MAPK10: variants seen among roughly 807,000 people sequenced by gnomAD.
MAPK10 encodes JNK3 alpha protein kinase.
A neutral mutation model predicts 59.3 loss-of-function variants in MAPK10; 25 were observed. The observed-to-expected ratio is 0.42, with a 90% CI of 0.31 to 0.59. The LOEUF is 0.59. Among genes scored for constraint, MAPK10 ranks in the 20% least tolerant of loss-of-function variants. The pLI is 0.15. For missense variants in MAPK10, 351 were observed against 568.9 expected, an observed-to-expected ratio of 0.62 and a Z score of 3.90; for synonymous variants, 190 against 200.5, an observed-to-expected ratio of 0.95 and a Z score of 0.44.
At chr4:86,281,998 C>A (rs2094827801) in intron 2 of MAPK10, among the ~76,000 whole-genome samples, 1 of 151,920 alleles carries the variant, frequency 6.6e-6, no homozygotes, top group Admixed American at 6.6e-5. Context: ...TTGTGTTTCA[C>A]AACTGGGAAA....
intron 4 of MAPK10, among the ~76,000 whole-genome samples, chr4:86,135,670 G>C (rs1376027699): frequency 6.6e-6 from 1 of 152,162 alleles, no homozygotes; most frequent in African/African-American, 2.4e-5. Context: ...ACCAGCAACG[G>C]AACAAAGCTG....
chr4:86,373,922 T>C (rs1421375232), intron 1 of MAPK10, among the ~76,000 whole-genome samples: 1 of 152,140 alleles, frequency 6.6e-6, no homozygotes, highest in Non-Finnish European at 1.5e-5. Context: ...CCCAAAGGAT[T>C]ATAAATCATT....
chr4:86,197,843 A>G (rs79944353), intron 2 of MAPK10, among the ~76,000 whole-genome samples: 3,353 of 152,270 alleles, frequency 0.022, 120 homozygotes, highest in African/African-American at 0.077. Flanking sequence ...GTATTCTGCC[A>G]GAGATCAAGA....
intron 1 of MAPK10, among the ~76,000 whole-genome samples, chr4:86,389,534 T>G (rs570852745): frequency 2.3e-4 from 35 of 152,336 alleles, no homozygotes; most frequent in African/African-American, 8.4e-4. Context: ...GTTTATCTTC[T>G]GTTTTTTTGC....
chr4:86,103,099 G>GTA, intron 6 of MAPK10, 87 bp downstream of exon 6: 1 of 776,482 alleles, frequency 1.3e-6, no homozygotes, highest in East Asian at 2.5e-5. Context: ...GTGTGTGTGT[G>GTA]TGTGTGTGTG....
intron 9 of MAPK10, chr4:86,081,656 AT>A (rs5860015): frequency 0.44 from 66,538 of 151,920 alleles, 15,226 homozygotes; most frequent in African/African-American, 0.55. Context: ...GTGAAATAGT[AT>A]TTTATATCCA....
At chr4:86,548,139 A>G (rs1180069744) in intron 1 of MAPK10, among the ~76,000 whole-genome samples, 1 of 151,786 alleles carries the variant, frequency 6.6e-6, no homozygotes, top group African/African-American at 2.4e-5. Context: ...GAGCTGTAAC[A>G]CTCACCGCGA....
chr4:86,231,361 G>C (rs1414824914), intron 2 of MAPK10, among the ~76,000 whole-genome samples: 2 of 151,900 alleles, frequency 1.3e-5, no homozygotes, highest in Non-Finnish European at 2.9e-5. Flanking sequence ...CTATATAGAA[G>C]TACAATTGTA....
At chr4:86,289,069 A>C (rs1189408458) in intron 2 of MAPK10, among the ~76,000 whole-genome samples, 1 of 152,202 alleles carries the variant, frequency 6.6e-6, no homozygotes, top group Non-Finnish European at 1.5e-5. Flanking sequence ...ACTGGTACAG[A>C]ATTATATTTA....
Position 86,206,974 on chromosome 4 carries a change from A to C in MAPK10, c.-6-12567T>G, listed in dbSNP as rs1436202987. On this transcript the variant is annotated intron_variant, in intron 2 of 13. Coordinates refer to ENST00000641462, the MANE Select transcript of MAPK10 (RefSeq NM_138982.4). ...CTTTGTCAGATGAGTAGGTTGCGAAAATTTTCTCCCATTTTGTAGGTTGCC... is the reference window on the plus strand; with the variant it reads ...CTTTGTCAGATGAGTAGGTTGCGAACATTTTCTCCCATTTTGTAGGTTGCC... Among the ~76,000 whole-genome samples the C allele has an allele frequency of 5.3e-5, 8 of 151,984 alleles. No individual in the cohort carries two copies. In the South Asian group the frequency reaches 6.2e-4, roughly 12 times the overall value.
At chr4:86,018,654 C>T (rs1744629118) in intron 13 of MAPK10, among the ~76,000 whole-genome samples, 1 of 152,152 alleles carries the variant, frequency 6.6e-6, no homozygotes. Flanking sequence ...GGAAACAATC[C>T]ATTTACTTTT....
intron 4 of MAPK10, among the ~76,000 whole-genome samples, chr4:86,135,445 A>C (rs1293631731): frequency 6.6e-6 from 1 of 152,176 alleles, no homozygotes; most frequent in African/African-American, 2.4e-5. Flanking sequence ...CTCACACGGC[A>C]GGGTACTCCA....
At chr4:86,312,638 C>T (rs780141213) in intron 2 of MAPK10, among the ~76,000 whole-genome samples, 1 of 152,066 alleles carries the variant, frequency 6.6e-6, no homozygotes, top group Non-Finnish European at 1.5e-5. Context: ...ATAGGGACTG[C>T]AGGATATTAA....
chr4:86,130,653 C>G (rs551229727), intron 4 of MAPK10, among the ~76,000 whole-genome samples: 19 of 152,128 alleles, frequency 1.2e-4, no homozygotes, highest in African/African-American at 4.6e-4. Flanking sequence ...AGATGTTAGT[C>G]CATGGTAAAT....
intron 11 of MAPK10, among the ~76,000 whole-genome samples, chr4:86,045,245 C>T (rs1205613647): frequency 6.6e-6 from 1 of 152,034 alleles, no homozygotes; most frequent in Non-Finnish European, 1.5e-5. Context: ...CTCTTTCCTG[C>T]TCCTTGGAAA....
At chr4:86,030,262 C>G (rs2038698643) in intron 12 of MAPK10, among the ~76,000 whole-genome samples, 1 of 152,026 alleles carries the variant, frequency 6.6e-6, no homozygotes, top group Non-Finnish European at 1.5e-5. Flanking sequence ...ACCAACATGA[C>G]CCTGGAATCT....
At chr4:86,176,337 T>C (rs911802483) in intron 3 of MAPK10, among the ~76,000 whole-genome samples, 2 of 152,174 alleles carry the variant, frequency 1.3e-5, no homozygotes, top group Admixed American at 6.5e-5. Context: ...AGTTCTGGAA[T>C]ATTTTTTAAC....
chr4:86,276,569 C>G (rs1350380528), intron 2 of MAPK10, among the ~76,000 whole-genome samples: 1 of 152,166 alleles, frequency 6.6e-6, no homozygotes, highest in Non-Finnish European at 1.5e-5. Context: ...TTTGGACAGT[C>G]TAAAAAATCA....
intron 2 of MAPK10, among the ~76,000 whole-genome samples, chr4:86,285,108 G>A (rs193265717): frequency 1.3e-5 from 2 of 152,268 alleles, no homozygotes. Flanking sequence ...ATTTAAGGTG[G>A]AAGGTGGGAA....
Sources: allele counts gnomAD v4.1 joint callset (sites outside exome capture counted in the v4.1 genomes callset), GRCh38; gene constraint gnomAD v4.1.1; transcripts MANE v1.5; gene names NCBI Gene and HGNC (gene_info 2026-07-23, HGNC 2026-07-21).